Variants in PCDHGA7 observed in about 807,000 individuals in gnomAD.
PCDHGA7 encodes protocadherin gamma subfamily A, 7.
In PCDHGA7, 44 loss-of-function variants were observed where a neutral mutation model predicts 58.3. The ratio of observed to expected loss-of-function variants is 0.75; its 90% CI spans 0.59 to 0.97. PCDHGA7 has a LOEUF of 0.97. PCDHGA7 is among the 50% of genes least tolerant of loss of function. PCDHGA7 has a pLI of 0.00. For synonymous variants in PCDHGA7, 516 were observed against 504.2 expected, an observed-to-expected ratio of 1.02 and a Z score of -0.31; for missense variants, 1,266 against 1,188.7, an observed-to-expected ratio of 1.06 and a Z score of -0.96.
chr5:141,403,694 C>T (rs746395931), intron 1 of PCDHGA7: 3 of 1,613,760 alleles, frequency 1.9e-6, no homozygotes, highest in Admixed American at 3.3e-5. Flanking sequence ...ACGGATTTAC[C>T]GAGTTAAAGT....
At chr5:141,415,129 G>C in intron 1 of PCDHGA7, 1 of 1,613,656 alleles carries the variant, frequency 6.2e-7, no homozygotes, top group African/African-American at 1.3e-5. Flanking sequence ...GGCCGTCCAG[G>C]ACCACGGCCA....
At chr5:141,392,721 G>A (rs1169584002) in intron 1 of PCDHGA7, 25 of 1,390,348 alleles carry the variant, frequency 1.8e-5, no homozygotes, top group South Asian at 3.2e-5. Context: ...CAGGTTTCCG[G>A]AGGATTGTCA....
chr5:141,442,650 G>A (rs192694987), intron 1 of PCDHGA7, among the ~76,000 whole-genome samples: 83 of 152,350 alleles, frequency 5.4e-4, no homozygotes, highest in Admixed American at 9.1e-4. Flanking sequence ...CCTAAGATGA[G>A]AAATATTTGG....
At chr5:141,394,989 C>T in intron 1 of PCDHGA7, 1 of 1,614,030 alleles carries the variant, frequency 6.2e-7, no homozygotes. Flanking sequence ...ACGCCTGCTC[C>T]AGGATTCCGG....
Position 141,476,676 on chromosome 5 carries a change from G to T in PCDHGA7, c.2425-18131G>T. 1.2e-6 allele frequency: 2 copies of T among 1,614,222 alleles called. No individual in the cohort carries two copies. The highest frequency in any genetic ancestry group is 1.7e-6 in the Non-Finnish European group (2 of 1,180,054). ...TACTTTGCGCTTCGCGTGCAGACGC[G>T]GGAGGACAGCACCAAGTACGCGGAG... On this transcript the variant is annotated intron_variant, in intron 1 of 3. Transcript: ENST00000518325. The surrounding 1 kb of genome is among the most constrained non-coding windows in gnomAD (Gnocchi z 7.6).
intron 1 of PCDHGA7, chr5:141,390,367 T>C (rs2092130153): frequency 6.6e-7 from 1 of 1,518,766 alleles, no homozygotes; most frequent in African/African-American, 1.4e-5. Flanking sequence ...TGCAGGAAAA[T>C]ATATAATTTT....
chr5:141,480,414 CA>C (rs10712552), intron 1 of PCDHGA7, among the ~76,000 whole-genome samples: 43,347 of 147,074 alleles, frequency 0.29, 6,620 homozygotes, highest in African/African-American at 0.4. Flanking sequence ...GACCCTGTCT[CA>C]AAAAAAAAAA....
Position 141,384,674 on chromosome 5 carries a change from T to C in PCDHGA7, c.1775T>C (p.Val592Ala), listed in dbSNP as rs748841666. ...AEPGYLVTKV[V>A]AVDKDSGQNA... ...CCCGGCTACCTGGTGACCAAGGTGG[T>C]GGCGGTGGACAAAGATTCAGGCCAG... is the stretch of plus-strand genomic sequence containing the variant. The change falls in exon 1 of 4, where the codon GTG (valine) becomes GCG (alanine). Residue 592 changes from valine (V) to alanine (A), a missense_variant. Transcript: ENST00000518325. The C allele has an allele frequency of 5.6e-6, 9 of 1,614,038 alleles. No homozygotes were observed. Among genetic ancestry groups the C allele is most frequent in the Non-Finnish European group, 8.5e-7 (1 of 1,180,032 alleles).
At position 141,384,111 on chromosome 5, in the gene PCDHGA7, G is replaced by A; in HGVS notation, c.1212G>A (p.Leu404=). ...AATCAATAGATAATTATTATAGATT[G>A]GTCACAACCAAAAACTTGGACCGGG... The part of the protein sequence containing the change: ...LEKSIDNYYR[L]VTTKNLDRET... The change falls in exon 1 of 4, where the codon TTG becomes TTA. Residue 404 remains leucine (L), a synonymous_variant. Transcript: ENST00000518325. 1 of 1,604,746 alleles carries A rather than the reference G, an allele frequency of 6.2e-7. No individual in the cohort carries two copies. Among genetic ancestry groups the A allele is most frequent in the Non-Finnish European group, 8.5e-7 (1 of 1,175,172 alleles).
intron 1 of PCDHGA7, among the ~76,000 whole-genome samples, chr5:141,469,172 A>C (rs1310781965): frequency 6.6e-6 from 1 of 152,050 alleles, no homozygotes; most frequent in Admixed American, 6.6e-5. Context: ...GCTACTTGGG[A>C]GGCTGAGGCA....
Position 141,432,970 on chromosome 5 carries a change from G to C in PCDHGA7, c.2424+47647G>C, listed in dbSNP as rs371130763. On this transcript the variant is annotated intron_variant, in intron 1 of 3. Transcript: ENST00000518325. This position sits in a 1 kb window ranked among gnomAD's most constrained non-coding sequence, Gnocchi z 6.0. ...GAGGCGGCTTGACAGGAGCGCCGGC[G>C]TCGCACTTTGTGGGCGTGGACGGGG... is the stretch of plus-strand genomic sequence containing the variant. 25 of 1,614,114 alleles carry C rather than the reference G, an allele frequency of 1.5e-5. No individual in the cohort carries two copies. Among genetic ancestry groups the C allele is most frequent in the African/African-American group, 1.1e-4 (8 of 75,054 alleles).
Position 141,489,880 on chromosome 5 carries a change from G to A in PCDHGA7, c.2425-4927G>A. On this transcript the variant is annotated intron_variant, in intron 1 of 3. Transcript: ENST00000518325. The surrounding 1 kb of genome is among the most constrained non-coding windows in gnomAD (Gnocchi z 4.5). Reference sequence around the variant, plus strand: ...GGCAAGACATCAGCTGGTGCTTACTGCTGTGGATGGGGGGACCCCAGCCCG... The same window carrying A: ...GGCAAGACATCAGCTGGTGCTTACTACTGTGGATGGGGGGACCCCAGCCCG... 2 of 1,614,230 alleles carry A rather than the reference G, an allele frequency of 1.2e-6. No individual in the cohort carries two copies. The highest frequency in any genetic ancestry group is 1.7e-6 in the Non-Finnish European group (2 of 1,180,026).
chr5:141,446,634 G>A (rs927873152), intron 1 of PCDHGA7, among the ~76,000 whole-genome samples: 6 of 151,928 alleles, frequency 3.9e-5, no homozygotes, highest in Admixed American at 2.6e-4. Context: ...GCACCACCAC[G>A]CCTGGCTAAT....
chr5:141,475,162 G>T (rs949339969), intron 1 of PCDHGA7, among the ~76,000 whole-genome samples: 2 of 152,034 alleles, frequency 1.3e-5, no homozygotes, highest in South Asian at 4.1e-4. Flanking sequence ...TTCTTCATTA[G>T]CAGTGCAACT....
intron 1 of PCDHGA7, chr5:141,388,406 C>T (rs770065402): frequency 1.9e-6 from 3 of 1,613,842 alleles, no homozygotes; most frequent in Non-Finnish European, 2.5e-6. Context: ...AACTCAGTCC[C>T]AGTGATCATT....
In PCDHGA7 at chr5:141,426,211, G is replaced by A. The variant is rs184669298; in HGVS notation, c.2424+40888G>A. On this transcript the variant is annotated intron_variant, in intron 1 of 3. Coordinates refer to ENST00000518325, the MANE Select transcript of PCDHGA7 (RefSeq NM_018920.4). ...TGGGAGCATTGAGTTTTCTATGTAT[G>A]GAAGTAAATATTTTAAAAGCACTTT... The A allele has an allele frequency of 7.7e-4, 121 of 157,870 alleles. 1 individual carries two copies. The highest frequency in any genetic ancestry group is 7.4e-4 in the South Asian group (4 of 5,398). 9.8% of individuals were successfully genotyped at this position (157,870 alleles called of 1,614,324 possible). A position where few individuals can be genotyped will look rare whatever the true frequency, so the allele number is the denominator to read the frequency against.
At chr5:141,421,147 G>A in intron 1 of PCDHGA7, 1 of 1,019,036 alleles carries the variant, frequency 9.8e-7, no homozygotes, top group South Asian at 1.7e-5. Context: ...GGATGTAGTC[G>A]GCCTAGGACT....
At chr5:141,423,920 G>A (rs2096790804) in intron 1 of PCDHGA7, 2 of 1,258,728 alleles carry the variant, frequency 1.6e-6, no homozygotes, top group African/African-American at 1.6e-5. Flanking sequence ...ATTCAACTAT[G>A]CTGGTTTGGT....
intron 2 of PCDHGA7, among the ~76,000 whole-genome samples, chr5:141,502,908 C>G (rs1398336138): frequency 1.5e-5 from 2 of 132,418 alleles, no homozygotes; most frequent in Non-Finnish European, 3.0e-5. Flanking sequence ...TGTTGCCAGG[C>G]TGGAGTGCAG....
Sources: allele counts gnomAD v4.1 joint callset (sites outside exome capture counted in the v4.1 genomes callset), GRCh38; gene constraint gnomAD v4.1.1; non-coding constraint Gnocchi (gnomAD v3.1); transcripts MANE v1.5; gene names NCBI Gene and HGNC (gene_info 2026-07-23, HGNC 2026-07-21).